Variants in ALX1 observed in about 807,000 individuals in gnomAD.
ALX1 encodes ALX homeobox protein 1.
In ALX1, 19 loss-of-function variants were observed where a neutral mutation model predicts 31.7. The ratio of observed to expected loss-of-function variants is 0.60; its 90% CI spans 0.42 to 0.88. The LOEUF is 0.88. Among genes scored for constraint, ALX1 ranks in the 40% least tolerant of loss-of-function variants. The pLI is 0.00. For missense variants in ALX1, 415 were observed against 407.8 expected (o/e 1.02, Z -0.15); for synonymous variants, 153 against 148.8 (o/e 1.03, Z -0.20).
At chr12:85,287,629 A>C (rs1896766178) in intron 3 of ALX1, among the ~76,000 whole-genome samples, 1 of 151,402 alleles carries the variant, frequency 6.6e-6, no homozygotes, top group Admixed American at 6.6e-5. Context: ...AAGTGTTAGA[A>C]ATTCTTTTTC....
Position 85,300,311 on chromosome 12 carries a change from G to C in ALX1, c.661-844G>C, listed in dbSNP as rs60489434. ...TCCTGTGGAGATTTAATAATACGAA[G>C]TGTGAATATCTCGGGTGTGAATGAT... On this transcript the variant is annotated intron_variant, in intron 3 of 3. Coordinates refer to ENST00000316824, the MANE Select transcript of ALX1 (RefSeq NM_006982.3). Among the ~76,000 whole-genome samples the C allele has an allele frequency of 4.1e-3, 619 of 152,086 alleles. 2 individuals are homozygous for C. Among genetic ancestry groups the C allele is most frequent in the African/African-American group, 0.014 (589 of 41,508 alleles).
chr12:85,281,284 T>C (rs1348061854), intron 1 of ALX1, among the ~76,000 whole-genome samples: 1 of 152,246 alleles, frequency 6.6e-6, no homozygotes, highest in African/African-American at 2.4e-5. Flanking sequence ...AATGCCCAAG[T>C]ATCTCCAAGT....
At chr12:85,284,065 A>G (rs1485915089) in intron 2 of ALX1, among the ~76,000 whole-genome samples, 189 bp downstream of exon 2, 1 of 152,196 alleles carries the variant, frequency 6.6e-6, no homozygotes, top group Non-Finnish European at 1.5e-5. Flanking sequence ...CAACTCACGC[A>G]ATATGTAAAA....
intron 3 of ALX1, among the ~76,000 whole-genome samples, chr12:85,289,485 T>C (rs1020784134): frequency 1.3e-5 from 2 of 151,230 alleles, no homozygotes; most frequent in Non-Finnish European, 3.0e-5. Context: ...GAAAAATTAA[T>C]TTAAAAAATT....
intron 2 of ALX1, among the ~76,000 whole-genome samples, chr12:85,284,349 A>G (rs1167535664): frequency 6.6e-6 from 1 of 151,362 alleles, no homozygotes; most frequent in African/African-American, 2.4e-5. Context: ...AATAAAAAAA[A>G]AAACAATCCC....
At chr12:85,286,808 T>C in intron 2 of ALX1, 45 bp from the exon 3 acceptor site, 3 of 1,490,122 alleles carry the variant, frequency 2.0e-6, no homozygotes, top group Non-Finnish European at 2.7e-6. Flanking sequence ...ATTTGCTTTA[T>C]CAAATATTCC....
At chr12:85,283,084 C>A (rs1257353701) in intron 1 of ALX1, among the ~76,000 whole-genome samples, 2 of 151,982 alleles carry the variant, frequency 1.3e-5, no homozygotes, top group African/African-American at 4.8e-5. Context: ...ATCATCAGTA[C>A]GTTTTACGTG....
intron 1 of ALX1, among the ~76,000 whole-genome samples, chr12:85,282,608 G>A (rs1896690770): frequency 6.6e-6 from 1 of 152,100 alleles, no homozygotes; most frequent in Non-Finnish European, 1.5e-5. Context: ...TTTTTAAAAA[G>A]TGCTTCCCAT....
At chr12:85,291,581 AC>A (rs1259431759) in intron 3 of ALX1, among the ~76,000 whole-genome samples, 3 of 151,264 alleles carry the variant, frequency 2.0e-5, no homozygotes, top group Middle Eastern at 3.4e-3. Context: ...AAGGAACTTT[AC>A]AATTTCATGT....
Position 85,283,815 on chromosome 12 carries a change from C to T in ALX1, c.470C>T (p.Pro157Leu), listed in dbSNP as rs1423105126. 6.2e-7 allele frequency: 1 copy of T among 1,614,058 alleles called. No homozygotes were observed. The highest frequency in any genetic ancestry group is 8.5e-7 in the Non-Finnish European group (1 of 1,179,990). ...AAAGTCTTTCAGAAAACTCATTACC[C>T]GGATGTGTATGTCAGAGAACAGCTT... ...LEKVFQKTHY[P>L]DVYVREQLAL... The change falls in exon 2 of 4, where the codon CCG becomes CTG. Residue 157 changes from proline (P) to leucine (L), a missense_variant. Transcript: ENST00000316824.
rs750759166 is a variant in ALX1, at chr12:85,280,292, A to G, written c.31A>G (p.Lys11Glu). ...GTTTCTGAGCGAGAAGTTTGCCCTC[A>G]AGAGCCCTCCGAGTAAAAACAGTGA... MEFLSEKFAL[K>E]SPPSKNSDFY... is the part of the protein sequence containing the mutation. Residue 11 changes from lysine (K) to glutamate (E), a missense_variant, in exon 1 of 4, where the codon AAG (lysine) becomes GAG (glutamate). By Grantham distance (56) the Lys-to-Glu change is moderately conservative. Transcript: ENST00000316824. 5 of 1,613,480 alleles carry G rather than the reference A, an allele frequency of 3.1e-6. No individual in the cohort carries two copies. In the South Asian group the frequency reaches 5.5e-5, roughly 18 times the overall value.
At chr12:85,293,894 A>G (rs1478173924) in intron 3 of ALX1, among the ~76,000 whole-genome samples, 2 of 151,174 alleles carry the variant, frequency 1.3e-5, no homozygotes, top group East Asian at 3.9e-4. Context: ...AATTATATGC[A>G]TGCCATGTTT....
In ALX1 at chr12:85,286,869, G is replaced by A. The variant is rs1487171239; in HGVS notation, c.548G>A (p.Arg183Gln). Residue 183 changes from arginine to glutamine, a missense_variant, in exon 3 of 4, where the codon CGA (arginine) becomes CAA (glutamine). Around this residue, in one of 3 missense-constraint regions of ALX1, gnomAD observed 6 missense variants for 21.5 expected, o/e 0.28. Transcript: ENST00000316824. The part of the protein sequence containing the change: ...EARVQVWFQN[R>Q]RAKWRKRERY... Reference sequence around the variant, plus strand: ...AATAATTAGGTTTGGTTTCAAAATCGAAGGGCCAAATGGAGAAAAAGGGAA... The same window carrying A: ...AATAATTAGGTTTGGTTTCAAAATCAAAGGGCCAAATGGAGAAAAAGGGAA... The A allele has an allele frequency of 2.5e-6, 4 of 1,608,206 alleles. No individual in the cohort carries two copies. Among genetic ancestry groups the A allele is most frequent in the Middle Eastern group, 1.7e-4 (1 of 6,034 alleles).
At chr12:85,298,607 A>G (rs1052798717) in intron 3 of ALX1, among the ~76,000 whole-genome samples, 1 of 151,756 alleles carries the variant, frequency 6.6e-6, no homozygotes, top group African/African-American at 2.4e-5. Context: ...GGGAAGAAAT[A>G]GATATTTTGA....
chr12:85,284,254 G>T (rs534863262), intron 2 of ALX1, among the ~76,000 whole-genome samples: 142 of 146,792 alleles, frequency 9.7e-4, no homozygotes, highest in African/African-American at 3.2e-3. Flanking sequence ...AGCCACTAAG[G>T]TTCTTTTTTA....
intron 3 of ALX1, among the ~76,000 whole-genome samples, chr12:85,294,939 A>T (rs2137389808): frequency 6.6e-6 from 1 of 151,448 alleles, no homozygotes; most frequent in Non-Finnish European, 1.5e-5. Context: ...AATAATATAT[A>T]TTGGAAAAGT....
Position 85,301,444 on chromosome 12 carries a change from A to G in ALX1, c.950A>G (p.Glu317Gly). 1 of 1,614,046 alleles carries G rather than the reference A, an allele frequency of 6.2e-7. No individual in the cohort carries two copies. ...GCAGTTCTTCGAATGAAAGCCAAGG[A>G]GCACACCGCCAATATTTCATGGGCC... ...SIAVLRMKAK[E>G]HTANISWAM The change falls in exon 4 of 4, where the codon GAG (glutamate) becomes GGG (glycine). Residue 317 changes from glutamate (E) to glycine (G), a missense_variant. Transcript: ENST00000316824.
intron 3 of ALX1, among the ~76,000 whole-genome samples, chr12:85,300,931 G>T (rs1017629383): frequency 6.6e-6 from 1 of 152,002 alleles, no homozygotes; most frequent in Non-Finnish European, 1.5e-5. Flanking sequence ...TTGAGAGTAC[G>T]TTATGTGGCC....
At position 85,283,598 on chromosome 12, in the gene ALX1, G is replaced by C; in HGVS notation, c.253G>C (p.Gly85Arg). ...GAACTATGGGATCACTAAAGTAGAA[G>C]GACAGCCCCTTCACACCGAACTGAA... The part of the protein sequence containing the change: ...SVNYGITKVE[G>R]QPLHTELNRA... The change falls in exon 2 of 4, where the codon GGA becomes CGA. Residue 85 changes from glycine (G) to arginine (R), a missense_variant. Around this residue, in one of 3 missense-constraint regions of ALX1, gnomAD observed 235 missense variants for 208.9 expected, o/e 1.13. Coordinates refer to ENST00000316824, the MANE Select transcript of ALX1 (RefSeq NM_006982.3). 1 of 1,614,096 alleles carries C rather than the reference G, an allele frequency of 6.2e-7. No individual in the cohort carries two copies. The highest frequency in any genetic ancestry group is 8.5e-7 in the Non-Finnish European group (1 of 1,179,986).
Sources: gnomAD v4.1 joint callset for allele counts (sites outside exome capture counted in the v4.1 genomes callset) on GRCh38, gnomAD v4.1.1 for gene constraint, gnomAD v4.1.1 regional missense constraint, MANE v1.5 for transcripts, NCBI Gene and HGNC (gene_info 2026-07-23, HGNC 2026-07-21) for gene names.